The following FSD1L variants were observed in gnomAD, a reference collection of about 807,000 sequenced individuals.
The protein encoded by FSD1L is fibronectin type III and SPRY domain containing 1 like, also known as FSD1-like protein.
A neutral mutation model predicts 71.6 loss-of-function variants in FSD1L; 45 were observed. The observed-to-expected ratio is 0.63, with a 90% CI of 0.49 to 0.81. The LOEUF is 0.81. Ranked by LOEUF, FSD1L falls within the 30% of genes least tolerant of loss-of-function variation. The pLI is 0.00. For missense variants in FSD1L, 561 were observed against 618.1 expected (o/e 0.91, Z 0.98); for synonymous variants, 197 against 207.2 (o/e 0.95, Z 0.42).
chr9:105,444,610 T>C (rs1564066369), upstream of FSD1L, among the ~76,000 whole-genome samples: 1 of 152,218 alleles, frequency 6.6e-6, no homozygotes, highest in Non-Finnish European at 1.5e-5. Context: ...TTTGCCAGAC[T>C]CTCTACATCA....
intron 7 of FSD1L, among the ~76,000 whole-genome samples, chr9:105,503,120 T>C (rs1833865264): frequency 6.6e-6 from 1 of 152,092 alleles, no homozygotes; most frequent in South Asian, 2.1e-4. Flanking sequence ...ACTCCTGGGC[T>C]CAAGTGATCC....
chr9:105,528,385 C>T (rs1168627548), intron 10 of FSD1L, among the ~76,000 whole-genome samples: 2 of 152,158 alleles, frequency 1.3e-5, no homozygotes. Flanking sequence ...TCAAACTATA[C>T]TACAAGGCTA....
intron 2 of FSD1L, among the ~76,000 whole-genome samples, chr9:105,461,842 C>T (rs1192932330): frequency 1.3e-5 from 2 of 151,862 alleles, no homozygotes; most frequent in Admixed American, 6.6e-5. Context: ...AGTGAGACCT[C>T]GTCTCTACAA....
intron 13 of FSD1L, among the ~76,000 whole-genome samples, chr9:105,542,933 T>G (rs903083334): frequency 1.3e-5 from 2 of 152,212 alleles, no homozygotes; most frequent in Non-Finnish European, 2.9e-5. Context: ...TGGGTAATGC[T>G]TTGCTTAACT....
intron 7 of FSD1L, among the ~76,000 whole-genome samples, chr9:105,505,847 A>G (rs1448344091): frequency 6.6e-6 from 1 of 152,212 alleles, no homozygotes; most frequent in African/African-American, 2.4e-5. Context: ...CATGTTCTAC[A>G]TTTGTTATGT....
chr9:105,492,989 G>A (rs961754837), intron 7 of FSD1L, among the ~76,000 whole-genome samples: 7 of 152,152 alleles, frequency 4.6e-5, no homozygotes, highest in Non-Finnish European at 7.3e-5. Flanking sequence ...GATTTGGGGT[G>A]GAGAGTTCTG....
At chr9:105,507,224 A>C (rs1834109734) in intron 8 of FSD1L, among the ~76,000 whole-genome samples, 1 of 152,210 alleles carries the variant, frequency 6.6e-6, no homozygotes, top group Non-Finnish European at 1.5e-5. Flanking sequence ...TTAATAATTA[A>C]CAAAGACCTG....
chr9:105,447,988 G>C, upstream of FSD1L: 1 of 549,120 alleles, frequency 1.8e-6, no homozygotes, highest in Non-Finnish European at 3.2e-6. Flanking sequence ...CAGCCGCTGC[G>C]CGCAGGCGCG....
At chr9:105,520,185 A>T in intron 10 of FSD1L, 2 of 1,611,430 alleles carry the variant, frequency 1.2e-6, no homozygotes, top group South Asian at 2.2e-5. Flanking sequence ...GGTGCTAGAC[A>T]CCAAGAAGGA....
chr9:105,507,992 A>G (rs563995587), intron 8 of FSD1L, among the ~76,000 whole-genome samples: 155 of 150,308 alleles, frequency 1.0e-3, no homozygotes, highest in Non-Finnish European at 1.4e-3. Context: ...CCCAGGTCCA[A>G]GTGATTCTCC....
chr9:105,445,280 C>A (rs2131540005), upstream of FSD1L, among the ~76,000 whole-genome samples: 1 of 152,298 alleles, frequency 6.6e-6, no homozygotes, highest in South Asian at 2.1e-4. Context: ...GAGAGCCAGA[C>A]TGGCCAGAGA....
At chr9:105,532,471 AT>A (rs776900093) in intron 10 of FSD1L, among the ~76,000 whole-genome samples, 30 of 152,322 alleles carry the variant, frequency 2.0e-4, no homozygotes, top group Non-Finnish European at 4.0e-4. Flanking sequence ...GAAAACATAT[AT>A]TTTTGGTATT....
At chr9:105,454,237 A>G (rs1346739026) in intron 1 of FSD1L, among the ~76,000 whole-genome samples, 1 of 152,198 alleles carries the variant, frequency 6.6e-6, no homozygotes, top group East Asian at 1.9e-4. Flanking sequence ...ATGCTGCTCT[A>G]TAATTTGCAT....
chr9:105,521,854 A>C, intron 10 of FSD1L: 1 of 1,612,376 alleles, frequency 6.2e-7, no homozygotes, highest in Non-Finnish European at 8.5e-7. Context: ...TTTATTATAA[A>C]CTCATCAAAT....
chr9:105,462,585 G>A (rs963518555), intron 2 of FSD1L, among the ~76,000 whole-genome samples: 3 of 143,322 alleles, frequency 2.1e-5, no homozygotes, highest in African/African-American at 5.2e-5. Flanking sequence ...GTGCAGTGGT[G>A]AGATCTCGGC....
chr9:105,485,533 G>GTTTTTTTTTTT (rs34268568), intron 7 of FSD1L, among the ~76,000 whole-genome samples: 12 of 79,412 alleles, frequency 1.5e-4, no homozygotes, highest in East Asian at 4.2e-4. Flanking sequence ...TTGGTTAGGT[G>GTTTTTTTTTTT]TTTTTTTTTT....
Position 105,448,158 on chromosome 9 carries a change from C to G in FSD1L, c.-63C>G. On this transcript the variant is annotated 5_prime_UTR_variant, in exon 1 of 14. Coordinates refer to ENST00000481272, the MANE Select transcript of FSD1L (RefSeq NM_001145313.3). ...GTAGCGGTCTTGGGGTGTGCGATCT[C>G]GCTGAGCCTCCTCACACGGTTCGTC... 6.6e-7 allele frequency: 1 copy of G among 1,518,918 alleles called. No homozygotes were observed. The highest frequency in any genetic ancestry group is 8.9e-7 in the Non-Finnish European group (1 of 1,121,344). The allele number at this position is 1,518,918 out of a possible 1,614,324, so 94.1% of individuals were successfully genotyped here.
chr9:105,453,052 T>G (rs1222227463), intron 1 of FSD1L, among the ~76,000 whole-genome samples: 5 of 149,390 alleles, frequency 3.3e-5, no homozygotes, highest in African/African-American at 4.9e-5. Flanking sequence ...TTGTTTTTTT[T>G]TTTTTTTTTT....
chr9:105,536,564 CT>C (rs1836276015), intron 12 of FSD1L, among the ~76,000 whole-genome samples: 1 of 152,046 alleles, frequency 6.6e-6, no homozygotes, highest in East Asian at 1.9e-4. Flanking sequence ...TCCATTAGAT[CT>C]TTTTTCACGG....
Sources: allele counts gnomAD v4.1 joint callset (sites outside exome capture counted in the v4.1 genomes callset), GRCh38; gene constraint gnomAD v4.1.1; transcripts MANE v1.5; gene names NCBI Gene and HGNC (gene_info 2026-07-23, HGNC 2026-07-21).